The following GIPC2 variants were observed in gnomAD, a reference collection of about 807,000 sequenced individuals.
GIPC2 encodes GIPC PDZ domain containing family member 2.
Under a neutral mutation model 30.6 loss-of-function variants are expected in GIPC2, and 30 were observed. The ratio of observed to expected loss-of-function variants is 0.98; its 90% CI spans 0.73 to 1.33. The LOEUF is 1.33. GIPC2 is among the 40% of genes most tolerant of loss of function. The pLI, the probability that GIPC2 is intolerant of heterozygous loss-of-function variation, is 0.00. For synonymous variants in GIPC2, 167 were observed against 150.0 expected, an observed-to-expected ratio of 1.11 and a Z score of -0.83; for missense variants, 414 against 390.3, an observed-to-expected ratio of 1.06 and a Z score of -0.51.
rs140747374 is a variant in GIPC2 at position 78,127,090 on chromosome 1, A to G, written c.796+1128A>G. 1.5e-3 allele frequency among the ~76,000 whole-genome samples: 223 copies of G among 152,366 alleles called. 2 individuals are homozygous for G. The highest frequency in any genetic ancestry group is 5.1e-3 in the African/African-American group (211 of 41,598). On this transcript the variant is annotated intron_variant, in intron 5 of 5. Coordinates refer to ENST00000370759, the MANE Select transcript of GIPC2 (RefSeq NM_017655.6). Reference sequence around the variant, plus strand: ...GGGGTTTATGTCTGCATGCATCCACAGGTATGCATTTGAATCAGGTACTTT... The same window carrying G: ...GGGGTTTATGTCTGCATGCATCCACGGGTATGCATTTGAATCAGGTACTTT...
intron 3 of GIPC2, among the ~76,000 whole-genome samples, chr1:78,098,301 A>G (rs1435066993): frequency 1.3e-5 from 2 of 152,214 alleles, no homozygotes; most frequent in Non-Finnish European, 2.9e-5. Flanking sequence ...CTTTCAGAGA[A>G]AGAGTAAAGT....
intron 2 of GIPC2, chr1:78,092,613 TC>T (rs1662062732): frequency 6.6e-6 from 1 of 152,294 alleles, no homozygotes; most frequent in Non-Finnish European, 1.5e-5. Context: ...TCTCCATTGC[TC>T]CCGTATTGTT....
intron 3 of GIPC2, among the ~76,000 whole-genome samples, chr1:78,113,587 C>A (rs972538840): frequency 6.6e-6 from 1 of 152,116 alleles, no homozygotes. Flanking sequence ...TGGAGTTTCA[C>A]CATATTGCCT....
intron 5 of GIPC2, among the ~76,000 whole-genome samples, chr1:78,129,430 A>C (rs1322341909): frequency 2.5e-4 from 38 of 152,222 alleles, no homozygotes; most frequent in Non-Finnish European, 1.5e-5. Flanking sequence ...CACTGACATC[A>C]CATTTTTCTG....
At chr1:78,119,076 G>A (rs1662628860) in intron 3 of GIPC2, among the ~76,000 whole-genome samples, 1 of 151,200 alleles carries the variant, frequency 6.6e-6, no homozygotes, top group African/African-American at 2.4e-5. Flanking sequence ...TGACTTTGAT[G>A]AAACCACTTA....
chr1:78,107,233 A>G (rs1240586087), intron 3 of GIPC2, among the ~76,000 whole-genome samples: 1 of 150,110 alleles, frequency 6.7e-6, no homozygotes, highest in Non-Finnish European at 1.5e-5. Context: ...GTCACAGTTC[A>G]CTGCAGGGCT....
At chr1:78,113,412 A>G (rs1173622908) in intron 3 of GIPC2, among the ~76,000 whole-genome samples, 1 of 152,006 alleles carries the variant, frequency 6.6e-6, no homozygotes, top group African/African-American at 2.4e-5. Context: ...TTTTGAGACA[A>G]GGTCTTGTTC....
At chr1:78,128,749 C>A (rs1056803358) in intron 5 of GIPC2, among the ~76,000 whole-genome samples, 12 of 144,682 alleles carry the variant, frequency 8.3e-5, no homozygotes, top group African/African-American at 3.3e-4. Flanking sequence ...AGGCCCTAAC[C>A]CTAACCCTAA....
intron 2 of GIPC2, among the ~76,000 whole-genome samples, chr1:78,084,510 CAAAA>C (rs11432277): frequency 1.6e-5 from 2 of 128,982 alleles, no homozygotes. Context: ...GACTCTGTCT[CAAAA>C]AAAAAAAAAA....
At position 78,130,982 on chromosome 1, in the gene GIPC2, TA is replaced by T. The variant is rs200828497; in HGVS notation, c.797-4601del. On this transcript the variant is annotated intron_variant, in intron 5 of 5. Transcript: ENST00000370759. ...GTCAGCACTTAGCTGCTATATGTGGTAAAAAAAAATTCTCTTTACAGTTAAG... is the reference window on the plus strand; with the variant it reads ...GTCAGCACTTAGCTGCTATATGTGGTAAAAAAAATTCTCTTTACAGTTAAG... Among the ~76,000 whole-genome samples, 1,173 of 151,514 alleles carry T rather than the reference TA, an allele frequency of 7.7e-3. 25 individuals carry two copies. The highest frequency in any genetic ancestry group is 0.069 in the South Asian group (328 of 4,784).
intron 3 of GIPC2, 85 bp from the exon 4 acceptor site, chr1:78,119,308 G>T (rs1196487429): frequency 1.4e-6 from 1 of 728,426 alleles, no homozygotes; most frequent in Non-Finnish European, 2.4e-6. Context: ...ATATAGTTTT[G>T]TGATAGAAAC....
chr1:78,048,041 C>A (rs916447056), intron 1 of GIPC2, among the ~76,000 whole-genome samples: 1 of 152,186 alleles, frequency 6.6e-6, no homozygotes, highest in Non-Finnish European at 1.5e-5. Context: ...AGATTTTTGA[C>A]TTCGCCATGG....
At chr1:78,134,460 C>T (rs1259797003) in intron 5 of GIPC2, among the ~76,000 whole-genome samples, 2 of 151,914 alleles carry the variant, frequency 1.3e-5, no homozygotes, top group Non-Finnish European at 2.9e-5. Flanking sequence ...CCCATGCCAT[C>T]CTCACCACAT....
chr1:78,132,667 G>GTGTGTGTGTGTGTGTA (rs1662922389), intron 5 of GIPC2, among the ~76,000 whole-genome samples: 1 of 146,724 alleles, frequency 6.8e-6, no homozygotes, highest in Non-Finnish European at 1.5e-5. Context: ...AGCCAAGGAT[G>GTGTGTGTGTGTGTGTA]TGTGTGTGTG....
intron 2 of GIPC2, among the ~76,000 whole-genome samples, chr1:78,094,524 C>T (rs1305554193): frequency 3.9e-5 from 6 of 152,052 alleles, no homozygotes; most frequent in African/African-American, 7.2e-5. Context: ...GTTTAGAATT[C>T]AGCATATACA....
chr1:78,128,741 GCCCTAACCCTAACCCTAA>G (rs368764122), intron 5 of GIPC2, among the ~76,000 whole-genome samples: 1 of 151,860 alleles, frequency 6.6e-6, no homozygotes, highest in Non-Finnish European at 1.5e-5. Context: ...TTGGCTTGAG[GCCCTAACCCTAACCCTAA>G]CCCTAACCCT....
At chr1:78,069,951 A>T (rs1373573025) in intron 1 of GIPC2, among the ~76,000 whole-genome samples, 1 of 151,222 alleles carries the variant, frequency 6.6e-6, no homozygotes, top group Non-Finnish European at 1.5e-5. Context: ...TTCCCCCATC[A>T]CTCCCTCTGA....
At chr1:78,119,367 A>G in intron 3 of GIPC2, 26 bp from the exon 4 acceptor site, 1 of 1,252,506 alleles carries the variant, frequency 8.0e-7, no homozygotes, top group Non-Finnish European at 1.2e-6. Flanking sequence ...GTGTATATGT[A>G]TGTTTCCCTG....
chr1:78,060,587 C>G (rs1383110867), intron 1 of GIPC2, among the ~76,000 whole-genome samples: 1 of 152,202 alleles, frequency 6.6e-6, no homozygotes, highest in African/African-American at 2.4e-5. Flanking sequence ...AAAGTGATCT[C>G]TTGCTTTTGT....
Sources: allele counts gnomAD v4.1 joint callset (sites outside exome capture counted in the v4.1 genomes callset), GRCh38; gene constraint gnomAD v4.1.1; transcripts MANE v1.5; gene names NCBI Gene and HGNC (gene_info 2026-07-23, HGNC 2026-07-21).